Variants in CSTF3 observed in about 807,000 individuals in gnomAD.
CSTF3 encodes the protein cleavage stimulation factor subunit 3, also known as CF-1 77 kDa subunit.
A neutral mutation model predicts 105.8 loss-of-function variants in CSTF3; 29 were observed. That is an observed-to-expected ratio of 0.27 (90% confidence interval 0.20 to 0.37). CSTF3 has a LOEUF of 0.37. Among genes scored for constraint, CSTF3 ranks in the 10% least tolerant of loss-of-function variants. CSTF3 has a pLI of 1.00. For missense variants in CSTF3, 357 were observed against 879.3 expected (o/e 0.41, Z 7.51); for synonymous variants, 252 against 281.9 (o/e 0.89, Z 1.06).
chr11:33,120,994 T>A (rs573415236), intron 3 of CSTF3, among the ~76,000 whole-genome samples: 58 of 152,166 alleles, frequency 3.8e-4, no homozygotes, highest in Middle Eastern at 6.8e-3. Context: ...AGCTCTAATA[T>A]GGATTTTGAA....
At chr11:33,118,193 A>T (rs529179080) in intron 3 of CSTF3, among the ~76,000 whole-genome samples, 2 of 151,856 alleles carry the variant, frequency 1.3e-5, no homozygotes, top group South Asian at 4.1e-4. Flanking sequence ...TCCCCACTTT[A>T]AAATCTACTT....
intron 3 of CSTF3, among the ~76,000 whole-genome samples, chr11:33,125,728 C>A (rs1458033738): frequency 6.6e-6 from 1 of 152,112 alleles, no homozygotes; most frequent in South Asian, 2.1e-4. Context: ...CTTGGGCAGG[C>A]CTTGGGTTTT....
At chr11:33,119,276 TAG>T (rs1023007048) in intron 3 of CSTF3, among the ~76,000 whole-genome samples, 34 of 151,872 alleles carry the variant, frequency 2.2e-4, no homozygotes, top group African/African-American at 8.2e-4. Flanking sequence ...CCCATTTTGA[TAG>T]AGATTCCTAT....
At position 33,096,241 on chromosome 11, in the gene CSTF3, T is replaced by C. The variant is rs191653189; in HGVS notation, c.1375+65A>G. ...TATAATACATTCAAGAAGGAAGAAA[T>C]CTAGCAACATAATTCCACATGGTTT... On this transcript the variant is annotated intron_variant, in intron 15 of 20. Coordinates refer to ENST00000323959, the MANE Select transcript of CSTF3 (RefSeq NM_001326.3). 3.4e-4 allele frequency: 379 copies of C among 1,124,114 alleles called. 2 individuals are homozygous for C. The African/African-American group carries it at 5.6e-3, about 17-fold the overall frequency. The allele number at this position is 1,124,114 out of a possible 1,614,324, so 69.6% of individuals were successfully genotyped here.
chr11:33,158,792 A>C (rs942234399), intron 1 of CSTF3, among the ~76,000 whole-genome samples: 2 of 152,240 alleles, frequency 1.3e-5, no homozygotes, highest in Non-Finnish European at 2.9e-5. Flanking sequence ...TGAAGGGACA[A>C]GTTAAATGAC....
intron 17 of CSTF3, among the ~76,000 whole-genome samples, chr11:33,087,820 G>A (rs1432128912): frequency 1.3e-5 from 2 of 152,190 alleles, no homozygotes; most frequent in East Asian, 1.9e-4. Flanking sequence ...GGGAGGGCAG[G>A]CCTCTCTGAC....
chr11:33,096,832 T>A lies in CSTF3; in HGVS notation c.1272+3A>T. Reference sequence around the variant, plus strand: ...ATCTTTACACTTGTATTTCAGTATTTACCTTACTACAGTAATATTCCATGA... The same window carrying A: ...ATCTTTACACTTGTATTTCAGTATTAACCTTACTACAGTAATATTCCATGA... On this transcript the variant is annotated splice_donor_region_variant and intron_variant, in intron 14 of 20. Transcript: ENST00000323959. 6.2e-7 allele frequency: 1 copy of A among 1,606,788 alleles called. No homozygotes were observed. Among genetic ancestry groups the A allele is most frequent in the Non-Finnish European group, 8.5e-7 (1 of 1,177,996 alleles).
rs555612741 is a variant in CSTF3 at position 33,086,874 on chromosome 11, T to G, written c.1795+114A>C. ...GCTAAATCACTTGTCATAGTGATCC[T>G]AAGTCTAATAATTAACCCACAATTG... On this transcript the variant is annotated intron_variant, in intron 18 of 20. Transcript: ENST00000323959. 3.5e-4 allele frequency: 408 copies of G among 1,177,690 alleles called. No individual in the cohort carries two copies. The African/African-American group carries it at 5.6e-3, about 16-fold the overall frequency. The allele number at this position is 1,177,690 out of a possible 1,614,324, so 73.0% of individuals were successfully genotyped here.
intron 1 of CSTF3, among the ~76,000 whole-genome samples, 186 bp from the exon 2 acceptor site, chr11:33,142,172 C>A (rs1446488506): frequency 6.6e-6 from 1 of 152,048 alleles, no homozygotes; most frequent in Non-Finnish European, 1.5e-5. Flanking sequence ...TCTGTGGGCT[C>A]CGCATCCTTA....
At chr11:33,137,302 A>T (rs1855665001) in intron 3 of CSTF3, among the ~76,000 whole-genome samples, 1 of 151,544 alleles carries the variant, frequency 6.6e-6, no homozygotes, top group Admixed American at 6.6e-5. Context: ...AGATTAGAAA[A>T]CATACAGTTT....
chr11:33,090,212 G>A (rs564251432), intron 17 of CSTF3, among the ~76,000 whole-genome samples: 3 of 152,194 alleles, frequency 2.0e-5, no homozygotes, highest in African/African-American at 4.8e-5. Context: ...TAATACCTAA[G>A]ATGACATTCA....
At chr11:33,086,430 A>G (rs1345496615) in intron 18 of CSTF3, among the ~76,000 whole-genome samples, 2 of 141,928 alleles carry the variant, frequency 1.4e-5, no homozygotes, top group Non-Finnish European at 3.1e-5. Flanking sequence ...TAATCTGCAC[A>G]TAGCAGCATT....
chr11:33,102,093 G>A, intron 10 of CSTF3, 84 bp downstream of exon 10: 1 of 1,042,318 alleles, frequency 9.6e-7, no homozygotes, highest in Non-Finnish European at 1.4e-6. Context: ...AAGATTAGGG[G>A]TAAGAAAATT....
intron 3 of CSTF3, among the ~76,000 whole-genome samples, chr11:33,122,316 A>C (rs1855497999): frequency 6.6e-6 from 1 of 152,210 alleles, no homozygotes; most frequent in South Asian, 2.1e-4. Flanking sequence ...TGATTTTGAT[A>C]TCTCTATATA....
intron 1 of CSTF3, among the ~76,000 whole-genome samples, chr11:33,158,232 T>C (rs116945245): frequency 2.2e-4 from 33 of 152,302 alleles, no homozygotes; most frequent in Non-Finnish European, 2.6e-4. Flanking sequence ...GACTTCCTTG[T>C]TGATAATCAG....
At chr11:33,096,104 C>G (rs978239686) in intron 15 of CSTF3, among the ~76,000 whole-genome samples, 2 of 152,136 alleles carry the variant, frequency 1.3e-5, no homozygotes, top group African/African-American at 4.8e-5. Flanking sequence ...TGAATAAAGA[C>G]AGTTCTGCAG....
chr11:33,100,601 C>T (rs752144139), intron 10 of CSTF3, among the ~76,000 whole-genome samples: 2 of 152,010 alleles, frequency 1.3e-5, no homozygotes, highest in Non-Finnish European at 2.9e-5. Context: ...CTGCAGTATA[C>T]GGGGAGGACA....
At chr11:33,147,583 A>C (rs749741942) in intron 1 of CSTF3, among the ~76,000 whole-genome samples, 2 of 152,196 alleles carry the variant, frequency 1.3e-5, no homozygotes, top group Non-Finnish European at 2.9e-5. Flanking sequence ...TCTCAAAAAA[A>C]AAAAAGAAAT....
intron 3 of CSTF3, among the ~76,000 whole-genome samples, chr11:33,127,464 C>CTTT (rs892094215): frequency 4.6e-5 from 7 of 152,168 alleles, no homozygotes; most frequent in African/African-American, 1.4e-4. Flanking sequence ...TGTAATACCA[C>CTTT]TGTCTTTTAA....
Sources: allele counts gnomAD v4.1 joint callset (sites outside exome capture counted in the v4.1 genomes callset), GRCh38; gene constraint gnomAD v4.1.1; transcripts MANE v1.5; gene names NCBI Gene and HGNC (gene_info 2026-07-23, HGNC 2026-07-21).